FSD1L: variants seen among roughly 807,000 people sequenced by gnomAD.
FSD1L encodes the protein FSD1-like protein.
FSD1L carries 45 observed loss-of-function variants against 71.6 expected under a neutral mutation model. That is an observed-to-expected ratio of 0.63 (90% CI 0.49 to 0.81). The LOEUF is 0.81. FSD1L is among the 30% of genes least tolerant of loss of function. The pLI is 0.00. For synonymous variants in FSD1L, 197 were observed against 207.2 expected (o/e 0.95, Z 0.42); for missense variants, 561 against 618.1 (o/e 0.91, Z 0.98).
intron 13 of FSD1L, among the ~76,000 whole-genome samples, chr9:105,542,683 T>A (rs575164626): frequency 6.6e-6 from 1 of 152,332 alleles, no homozygotes; most frequent in Non-Finnish European, 1.5e-5. Context: ...CTCAAAGTCC[T>A]GGGCTCAAAT....
upstream of FSD1L, among the ~76,000 whole-genome samples, chr9:105,447,081 T>TG (rs1466184826): frequency 6.6e-6 from 1 of 152,088 alleles, no homozygotes; most frequent in East Asian, 1.9e-4. Context: ...CCTAGCAATT[T>TG]GGGAGGCTGA....
chr9:105,445,259 G>A (rs1004743686), upstream of FSD1L, among the ~76,000 whole-genome samples: 5 of 152,178 alleles, frequency 3.3e-5, no homozygotes, highest in African/African-American at 4.8e-5. Context: ...GGCCCAGGAT[G>A]AGCTGGGCAG....
At chr9:105,525,734 C>T (rs1835466662) in intron 10 of FSD1L, 1 of 1,602,476 alleles carries the variant, frequency 6.2e-7, no homozygotes, top group African/African-American at 1.3e-5. Flanking sequence ...CTCACCAATA[C>T]AGGAGGAAGT....
intron 13 of FSD1L, among the ~76,000 whole-genome samples, chr9:105,545,724 G>C (rs557564620): frequency 1.3e-5 from 2 of 152,004 alleles, no homozygotes; most frequent in Non-Finnish European, 1.5e-5. Context: ...GCTGGATTAC[G>C]TTTATTGGTT....
At chr9:105,539,186 C>T (rs888481875) in intron 12 of FSD1L, 77 bp from the exon 13 acceptor site, 9 of 670,510 alleles carry the variant, frequency 1.3e-5, no homozygotes, top group Admixed American at 3.4e-5. Context: ...TTACTTTTTG[C>T]ATGATTATGC....
chr9:105,530,307 G>A (rs560344139), intron 10 of FSD1L, among the ~76,000 whole-genome samples: 2 of 152,130 alleles, frequency 1.3e-5, no homozygotes, highest in South Asian at 2.1e-4. Context: ...GGTGAGGGAG[G>A]GGATGGGAGG....
chr9:105,447,499 G>A (rs894100442), upstream of FSD1L, among the ~76,000 whole-genome samples: 1 of 152,076 alleles, frequency 6.6e-6, no homozygotes, highest in Non-Finnish European at 1.5e-5. Flanking sequence ...AGGTAGCGAG[G>A]TGCCGGGGAG....
In FSD1L at chr9:105,548,868, G is replaced by T. The variant is rs559655531; in HGVS notation, c.*2385G>T. 5.3e-5 allele frequency: 8 copies of T among 152,102 alleles called. No homozygotes were observed. In the South Asian group the frequency reaches 1.5e-3, roughly 28 times the overall value. The allele number at this position is 152,102 out of a possible 1,614,324, so 9.4% of individuals were successfully genotyped here. On this transcript the variant is annotated 3_prime_UTR_variant, in exon 14 of 14. Coordinates refer to ENST00000481272, the MANE Select transcript of FSD1L (RefSeq NM_001145313.3). ...CTCTAAAATTAAAGAACAAGATGTGGTTTTTTGTTTAAGACGTTTTTAGTT... is the reference window on the plus strand; with the variant it reads ...CTCTAAAATTAAAGAACAAGATGTGTTTTTTTGTTTAAGACGTTTTTAGTT...
In FSD1L at chr9:105,520,843, A is replaced by C. The variant is rs887955579; in HGVS notation, c.1025+7907A>C. The stretch of plus-strand genomic sequence containing the variant: ...GAAATCACTCCTCTTGTCCCCCCAC[A>C]ATCAGGAGATAAAGGGCAAGAAGAT... On this transcript the variant is annotated intron_variant, in intron 10 of 13. Coordinates refer to ENST00000481272, the MANE Select transcript of FSD1L (RefSeq NM_001145313.3). 1.9e-4 allele frequency: 312 copies of C among 1,612,110 alleles called. 1 individual carries two copies. The highest frequency in any genetic ancestry group is 4.4e-4 in the Middle Eastern group (2 of 4,498).
chr9:105,485,988 A>C (rs1832525419), intron 7 of FSD1L, among the ~76,000 whole-genome samples: 1 of 149,926 alleles, frequency 6.7e-6, no homozygotes, highest in African/African-American at 2.5e-5. Flanking sequence ...ATATGGAACC[A>C]TTCCTTTTTT....
chr9:105,495,983 A>G (rs1833369267), intron 7 of FSD1L, among the ~76,000 whole-genome samples: 1 of 151,774 alleles, frequency 6.6e-6, no homozygotes, highest in African/African-American at 2.4e-5. Context: ...AAAAAAAAAA[A>G]AAGAAAAGGA....
chr9:105,530,812 T>A, intron 10 of FSD1L: 1 of 484,764 alleles, frequency 2.1e-6, no homozygotes, highest in Non-Finnish European at 3.7e-6. Context: ...GTTTTTTCAA[T>A]TTAGTACTTT....
Position 105,539,310 on chromosome 9 carries a change from T to C in FSD1L, c.1426T>C (p.Phe476Leu). 6.6e-7 allele frequency: 1 copy of C among 1,509,156 alleles called. No individual in the cohort carries two copies. Among genetic ancestry groups the C allele is most frequent in the South Asian group, 1.2e-5 (1 of 80,262 alleles). The allele number at this position is 1,509,156 out of a possible 1,614,324, so 93.5% of individuals were successfully genotyped here. The change falls in exon 13 of 14, where the codon TTT becomes CTT. Residue 476 changes from phenylalanine to leucine, a missense_variant. Physicochemically the swap from Phe to Leu is conservative, Grantham distance 22 (BLOSUM62 0). This residue lies in a region of FSD1L where 98 missense variants were observed against 102.3 expected (regional missense o/e 0.96). Coordinates refer to ENST00000481272, the MANE Select transcript of FSD1L (RefSeq NM_001145313.3). ...AAATTCTAAACAGTTGCTATATTCCTTTAAGACAAAATTTACTCAGCCAGT... is the reference window on the plus strand; with the variant it reads ...AAATTCTAAACAGTTGCTATATTCCCTTAAGACAAAATTTACTCAGCCAGT... ...DANSKQLLYS[F>L]KTKFTQPVLP...
rs202199417 is a variant in FSD1L at position 105,480,294 on chromosome 9, C to CTTTT, written c.464+931_464+934dup. On this transcript the variant is annotated intron_variant, in intron 6 of 13. Coordinates refer to ENST00000481272, the MANE Select transcript of FSD1L (RefSeq NM_001145313.3). Reference sequence around the variant, plus strand: ...CTGACAGTTTTACTTCTGGGTTTCTCTTTTTTTTTTTTTTTTGAGGCAGAG... The same window carrying CTTTT: ...CTGACAGTTTTACTTCTGGGTTTCTCTTTTTTTTTTTTTTTTTTTTGAGGCAGAG... 1.5e-4 allele frequency among the ~76,000 whole-genome samples: 21 copies of CTTTT among 140,184 alleles called. No individual in the cohort carries two copies. The South Asian group carries it at 4.1e-3, about 27-fold the overall frequency. 92.0% of individuals were successfully genotyped at this position (140,184 alleles called of 152,430 possible). A position where few individuals can be genotyped will look rare whatever the true frequency, so the allele number is the denominator to read the frequency against.
chr9:105,491,268 A>T (rs565717614), intron 7 of FSD1L, among the ~76,000 whole-genome samples: 10 of 151,244 alleles, frequency 6.6e-5, no homozygotes, highest in African/African-American at 2.5e-4. Flanking sequence ...CTTTGAAGCA[A>T]TTGTGAATGG....
chr9:105,519,931 C>T (rs1330497410), intron 10 of FSD1L, among the ~76,000 whole-genome samples: 1 of 152,234 alleles, frequency 6.6e-6, no homozygotes, highest in East Asian at 1.9e-4. Flanking sequence ...CCGAAGGTGC[C>T]TTGGAGCCGC....
chr9:105,443,194 A>G (rs566153619), upstream of FSD1L, among the ~76,000 whole-genome samples: 9 of 152,364 alleles, frequency 5.9e-5, no homozygotes, highest in Middle Eastern at 3.4e-3. Context: ...CCGTTGATAA[A>G]GACATACTCG....
At chr9:105,502,593 T>C (rs1833826322) in intron 7 of FSD1L, among the ~76,000 whole-genome samples, 1 of 152,198 alleles carries the variant, frequency 6.6e-6, no homozygotes, top group East Asian at 1.9e-4. Flanking sequence ...TCATTTTCTT[T>C]ATCTAGGTTT....
Position 105,546,404 on chromosome 9 carries a change from G to A in FSD1L, c.1514G>A (p.Ser505Asn), listed in dbSNP as rs1429018312. The change falls in exon 14 of 14, where the codon AGT (serine) becomes AAT (asparagine). Residue 505 changes from serine (S) to asparagine (N), a missense_variant. By Grantham distance (46) the Ser-to-Asn change is conservative (BLOSUM62 1). Around this residue, in one of 3 missense-constraint regions of FSD1L, gnomAD observed 98 missense variants for 102.3 expected, o/e 0.96. Transcript: ENST00000481272. ...TTGAGTACTGGGATGCAGGTTCCAA[G>A]TGCTGTGAGAACACTTCAGAAAAGT... is the stretch of plus-strand genomic sequence containing the variant. ...LSLSTGMQVP[S>N]AVRTLQKSEN... 6.4e-7 allele frequency: 1 copy of A among 1,550,434 alleles called. No individual in the cohort carries two copies. Among genetic ancestry groups the A allele is most frequent in the Admixed American group, 2.0e-5 (1 of 50,846 alleles).
Sources: gnomAD v4.1 joint callset for allele counts (sites outside exome capture counted in the v4.1 genomes callset) on GRCh38, gnomAD v4.1.1 for gene constraint, gnomAD v4.1.1 regional missense constraint, MANE v1.5 for transcripts, NCBI Gene and HGNC (gene_info 2026-07-23, HGNC 2026-07-21) for gene names.